Variants in DENND2A observed in about 807,000 individuals in gnomAD.
DENND2A encodes DENN domain-containing protein 2A.
DENND2A carries 53 observed loss-of-function variants against 105.3 expected under a neutral mutation model. The observed-to-expected ratio is 0.50, with a 90% CI of 0.40 to 0.63. The LOEUF (loss-of-function observed/expected upper bound fraction) is 0.63. Ranked by LOEUF, DENND2A falls within the 30% of genes least tolerant of loss-of-function variation. The pLI is 0.00. For synonymous variants in DENND2A, 522 were observed against 508.4 expected (o/e 1.03, Z -0.36); for missense variants, 1,138 against 1,279.6 (o/e 0.89, Z 1.69).
At chr7:140,625,200 A>G (rs1800473704) in intron 1 of DENND2A, among the ~76,000 whole-genome samples, 5 of 151,862 alleles carry the variant, frequency 3.3e-5, no homozygotes, top group Admixed American at 2.6e-4. Context: ...AACATGGTGA[A>G]ACCCTGTCTC....
intron 1 of DENND2A, among the ~76,000 whole-genome samples, chr7:140,634,277 C>T (rs1012051580): frequency 2.0e-5 from 3 of 151,882 alleles, no homozygotes; most frequent in Non-Finnish European, 4.4e-5. Flanking sequence ...GGATTACAGG[C>T]GTGAGCCACC....
chr7:140,587,798 G>A lies in DENND2A; in HGVS notation c.996-18C>T, dbSNP rs6954743. The A allele has an allele frequency of 0.02, 30,452 of 1,529,132 alleles. 566 individuals are homozygous for A. The highest frequency in any genetic ancestry group is 0.096 in the African/African-American group (6,889 of 71,470). The allele number at this position is 1,529,132 out of a possible 1,614,324, so 94.7% of individuals were successfully genotyped here. Reference sequence around the variant, plus strand: ...AGGACTTTCTGGAATGTGCCAGATGGGAGGAAAAAACAAAGAATTTGAATC... The same window carrying A: ...AGGACTTTCTGGAATGTGCCAGATGAGAGGAAAAAACAAAGAATTTGAATC... On this transcript the variant is annotated intron_variant, in intron 3 of 19. Coordinates refer to ENST00000496613, the MANE Select transcript of DENND2A (RefSeq NM_015689.5).
At chr7:140,530,691 T>C (rs1796228989) in intron 14 of DENND2A, among the ~76,000 whole-genome samples, 2 of 151,404 alleles carry the variant, frequency 1.3e-5, no homozygotes, top group Non-Finnish European at 2.9e-5. Context: ...GAGAATACTA[T>C]CCAGAATCCA....
intron 6 of DENND2A, among the ~76,000 whole-genome samples, chr7:140,573,404 A>C (rs1270225740): frequency 6.6e-6 from 1 of 152,188 alleles, no homozygotes; most frequent in Admixed American, 6.5e-5. Context: ...GAGCCACAAG[A>C]GGTATTGTTG....
rs1796122673 is a variant in DENND2A at position 140,527,874 on chromosome 7, G to A, written c.2328-379C>T. On this transcript the variant is annotated intron_variant, in intron 14 of 19. Transcript: ENST00000496613. The surrounding 1 kb of genome is among the most constrained non-coding windows in gnomAD (Gnocchi z 4.9). ...TTTTGAGACGGAGTCTCACTCTGTTGCCCAGGCTGGGGTGCAGTGGCGTGA... is the reference window on the plus strand; with the variant it reads ...TTTTGAGACGGAGTCTCACTCTGTTACCCAGGCTGGGGTGCAGTGGCGTGA... Among the ~76,000 whole-genome samples, 2 of 151,680 alleles carry A rather than the reference G, an allele frequency of 1.3e-5. No individual in the cohort carries two copies. The highest frequency in any genetic ancestry group is 1.3e-4 in the Admixed American group (2 of 15,204).
chr7:140,521,790 C>T (rs1795868477), intron 18 of DENND2A, 65 bp downstream of exon 18: 2 of 1,593,232 alleles, frequency 1.3e-6, no homozygotes, highest in Admixed American at 3.4e-5. Flanking sequence ...TCTCCCTACT[C>T]ATCAGCCGCC....
At position 140,518,688 on chromosome 7, in the gene DENND2A, T is replaced by C. The variant is rs753340856; in HGVS notation, c.*19A>G. 14 of 1,612,686 alleles carry C rather than the reference T, an allele frequency of 8.7e-6. 1 individual carries two copies. The South Asian group carries it at 1.5e-4, about 18-fold the overall frequency. Reference sequence around the variant, plus strand: ...GCATAGGGCTGCACTAGGAGGAAGTTTTCCCTTGAGGCTGAGAGTTATTTC... The same window carrying C: ...GCATAGGGCTGCACTAGGAGGAAGTCTTCCCTTGAGGCTGAGAGTTATTTC... On this transcript the variant is annotated 3_prime_UTR_variant, in exon 20 of 20. Transcript: ENST00000496613.
Position 140,553,806 on chromosome 7 carries a change from T to C in DENND2A, c.2037+1830A>G, listed in dbSNP as rs565797067. Among the ~76,000 whole-genome samples the C allele has an allele frequency of 3.3e-5, 5 of 152,258 alleles. No individual in the cohort carries two copies. In the East Asian group the frequency reaches 9.6e-4, roughly 29 times the overall value. On this transcript the variant is annotated intron_variant, in intron 12 of 19. Transcript: ENST00000496613. ...ACAGCACGTTTCAGAGAGCACGGCG[T>C]TGGGGGTAAGGTTATAGATTAACAG...
rs1387913257 is a variant in DENND2A, at chr7:140,522,075, C to T, written c.2691G>A (p.Glu897=). The T allele has an allele frequency of 2.5e-6, 4 of 1,614,036 alleles. No homozygotes were observed. The change falls in exon 18 of 20, where the codon GAG becomes GAA. Residue 897 remains glutamate, a synonymous_variant. Coordinates refer to ENST00000496613, the MANE Select transcript of DENND2A (RefSeq NM_015689.5). Reference sequence around the variant, plus strand: ...AGCGGACAAAGGCTTCAGACACCACCTCGTTCAAGGGGCTGGACTCTGGAC... The same window carrying T: ...AGCGGACAAAGGCTTCAGACACCACTTCGTTCAAGGGGCTGGACTCTGGAC... ...RHGPESSPLN[E]VVSEAFVRFF... is the part of the protein sequence containing the mutation.
chr7:140,628,242 G>T (rs1389541151), intron 1 of DENND2A, among the ~76,000 whole-genome samples: 1 of 152,208 alleles, frequency 6.6e-6, no homozygotes, highest in South Asian at 2.1e-4. Context: ...GTAAAAGCTG[G>T]TTTTGGAATT....
intron 1 of DENND2A, among the ~76,000 whole-genome samples, chr7:140,628,381 G>C (rs564568260): frequency 4.3e-4 from 66 of 152,256 alleles, no homozygotes; most frequent in African/African-American, 1.4e-3. Context: ...GACCAGCGCA[G>C]CTTGCTCTGC....
At chr7:140,553,964 G>A (rs1017612466) in intron 12 of DENND2A, among the ~76,000 whole-genome samples, 1 of 152,098 alleles carries the variant, frequency 6.6e-6, no homozygotes, top group African/African-American at 2.4e-5. Flanking sequence ...GCAGTGGCTT[G>A]TGCCTGTAAT....
Position 140,523,228 on chromosome 7 carries a change from GC to G in DENND2A, c.2665+78del. On this transcript the variant is annotated intron_variant, in intron 17 of 19. Transcript: ENST00000496613. This position sits in a 1 kb window ranked among gnomAD's most constrained non-coding sequence, Gnocchi z 4.5. ...TCTCCCTTGCCCATATTCCTACTTG[GC>G]CCTTGGCCACTGCCCATTTGTTCCC... The G allele has an allele frequency of 1.5e-6, 2 of 1,334,468 alleles. No homozygotes were observed. The allele number at this position is 1,334,468 out of a possible 1,614,324, so 82.7% of individuals were successfully genotyped here. A position where few individuals can be genotyped will look rare whatever the true frequency, so the allele number is the denominator to read the frequency against.
At chr7:140,607,287 CAAGGAGAGG>C (rs1178838833) in intron 1 of DENND2A, among the ~76,000 whole-genome samples, 1 of 151,946 alleles carries the variant, frequency 6.6e-6, no homozygotes, top group African/African-American at 2.4e-5. Context: ...CTCTTGGGAA[CAAGGAGAGG>C]AAGGGAGGAA....
intron 14 of DENND2A, among the ~76,000 whole-genome samples, chr7:140,540,380 G>C (rs775909354): frequency 2.6e-5 from 4 of 152,272 alleles, no homozygotes; most frequent in Non-Finnish European, 5.9e-5. Context: ...CGTTTGAAAA[G>C]ACGAAACCTC....
chr7:140,606,022 T>A (rs960620022), intron 1 of DENND2A, among the ~76,000 whole-genome samples: 2 of 152,100 alleles, frequency 1.3e-5, no homozygotes, highest in South Asian at 4.2e-4. Flanking sequence ...CATGCCAACC[T>A]CTTTGTATAT....
In DENND2A at chr7:140,601,472, G is replaced by A; in HGVS notation, c.926C>T (p.Ser309Phe). 8.7e-6 allele frequency: 14 copies of A among 1,614,030 alleles called. No individual in the cohort carries two copies. The highest frequency in any genetic ancestry group is 1.2e-5 in the Non-Finnish European group (14 of 1,179,968). Reference protein sequence around the residue: ...LPSLPPPPLPSSPPPSSVNRR... With the variant: ...LPSLPPPPLPFSPPPSSVNRR... The stretch of plus-strand genomic sequence containing the variant: ...GTTCACAGAGGAAGGTGGGGGAGAG[G>A]AGGGCAGAGGCGGGGGAGGTAGAGA... Residue 309 changes from serine (S) to phenylalanine (F), a missense_variant, in exon 3 of 20, where the codon TCC becomes TTC. By Grantham distance (155) the Ser-to-Phe change is radical (BLOSUM62 -2). This residue lies in a region of DENND2A where 511 missense variants were observed against 499.9 expected (regional missense o/e 1.02). Coordinates refer to ENST00000496613, the MANE Select transcript of DENND2A (RefSeq NM_015689.5).
intron 12 of DENND2A, among the ~76,000 whole-genome samples, chr7:140,552,006 A>G (rs1336649465): frequency 6.6e-6 from 1 of 152,256 alleles, no homozygotes; most frequent in Non-Finnish European, 1.5e-5. Flanking sequence ...TGCCCATGAC[A>G]GCAGTGAAGC....
At chr7:140,545,544 T>G (rs1479334357) in intron 13 of DENND2A, among the ~76,000 whole-genome samples, 2 of 152,226 alleles carry the variant, frequency 1.3e-5, no homozygotes. Context: ...AGAGACAGGG[T>G]TCCACCATGT....
Sources: allele counts gnomAD v4.1 joint callset (sites outside exome capture counted in the v4.1 genomes callset), GRCh38; gene constraint gnomAD v4.1.1; regional missense constraint gnomAD v4.1.1; non-coding constraint Gnocchi (gnomAD v3.1); transcripts MANE v1.5; gene names NCBI Gene and HGNC (gene_info 2026-07-23, HGNC 2026-07-21).